Variants in RHEB observed in about 807,000 individuals in gnomAD.
RHEB encodes the protein Ras homolog, mTORC1 binding.
RHEB carries 2 observed loss-of-function variants against 28.8 expected under a neutral mutation model. The ratio of observed to expected loss-of-function variants is 0.07; its 90% CI spans 0.03 to 0.22. The LOEUF (loss-of-function observed/expected upper bound fraction) is 0.22, where lower values mean the gene tolerates loss of function less well. Ranked by LOEUF, RHEB falls within the 10% of genes least tolerant of loss-of-function variation. The probability of loss-of-function intolerance (pLI) is 1.00; values close to 1 mark genes in which losing one functional copy is unlikely to be tolerated. For synonymous variants in RHEB, 69 were observed against 77.3 expected, an observed-to-expected ratio of 0.89 and a Z score of 0.56; for missense variants, 76 against 219.9, an observed-to-expected ratio of 0.35 and a Z score of 4.14.
intron 1 of RHEB, among the ~76,000 whole-genome samples, chr7:151,496,677 C>T (rs1196622678): frequency 6.6e-6 from 1 of 152,176 alleles, no homozygotes; most frequent in Non-Finnish European, 1.5e-5. Context: ...CTTCCCTATA[C>T]AGTATAAGCC....
intron 3 of RHEB, among the ~76,000 whole-genome samples, chr7:151,482,359 C>T (rs1802392782): frequency 6.6e-6 from 1 of 152,172 alleles, no homozygotes; most frequent in Admixed American, 6.5e-5. Flanking sequence ...ATCCTTCCAC[C>T]TCCCACAGTG....
Position 151,479,682 on chromosome 7 carries a change from CAAAAAAAA to C in RHEB, c.193-2275_193-2268del, listed in dbSNP as rs10690355. ...TGGGCGATAGAGCGAGACTCCGTCT[CAAAAAAAA>C]AAAAAAAAAGATTAATAAATAAATT... is the stretch of plus-strand genomic sequence containing the variant. On this transcript the variant is annotated intron_variant, in intron 3 of 7. Coordinates refer to ENST00000262187, the MANE Select transcript of RHEB (RefSeq NM_005614.4). Among the ~76,000 whole-genome samples the C allele has an allele frequency of 7.1e-3, 809 of 113,264 alleles. 11 individuals carry two copies. The highest frequency in any genetic ancestry group is 0.026 in the African/African-American group (762 of 29,676). 74.3% of individuals were successfully genotyped at this position (113,264 alleles called of 152,430 possible).
At chr7:151,467,265 A>G in intron 7 of RHEB, 54 bp from the exon 8 acceptor site, 1 of 1,321,162 alleles carries the variant, frequency 7.6e-7, no homozygotes, top group Non-Finnish European at 1.1e-6. Context: ...GAACTCCGAG[A>G]GTATTTTACG....
chr7:151,500,355 G>A (rs1802752285), intron 1 of RHEB, among the ~76,000 whole-genome samples: 1 of 152,162 alleles, frequency 6.6e-6, no homozygotes. Context: ...AACAAAGTAT[G>A]TACCTGGTTT....
chr7:151,500,383 CTAAAG>C (rs1311296991), intron 1 of RHEB, among the ~76,000 whole-genome samples: 1 of 152,016 alleles, frequency 6.6e-6, no homozygotes, highest in Non-Finnish European at 1.5e-5. Flanking sequence ...TACTAGGAGT[CTAAAG>C]TAATTAAGAC....
chr7:151,498,223 G>A lies in RHEB; in HGVS notation c.53-7209C>T, dbSNP rs1357301251. On this transcript the variant is annotated intron_variant, in intron 1 of 7. Coordinates refer to ENST00000262187, the MANE Select transcript of RHEB (RefSeq NM_005614.4). ...GGTAAATAGAGTTTAAAGTACTGGAGGCAATTAAGGAAGAGGAAGAGAAGC... is the reference window on the plus strand; with the variant it reads ...GGTAAATAGAGTTTAAAGTACTGGAAGCAATTAAGGAAGAGGAAGAGAAGC... The A allele has an allele frequency of 3.7e-6, 4 of 1,087,416 alleles. No homozygotes were observed. The African/African-American group carries it at 6.5e-5, about 18-fold the overall frequency. 67.4% of individuals were successfully genotyped at this position (1,087,416 alleles called of 1,614,324 possible).
intron 1 of RHEB, among the ~76,000 whole-genome samples, chr7:151,505,845 T>C (rs1178945659): frequency 6.6e-6 from 1 of 152,212 alleles, no homozygotes; most frequent in Non-Finnish European, 1.5e-5. Context: ...TGCAACACCA[T>C]GGATGAATCT....
At chr7:151,498,426 G>A (rs561800254) in intron 1 of RHEB, among the ~76,000 whole-genome samples, 2 of 151,906 alleles carry the variant, frequency 1.3e-5, no homozygotes, top group Admixed American at 6.6e-5. Context: ...AGACCAGCCC[G>A]GGCAACACAG....
At chr7:151,511,292 T>G (rs1255847366) in intron 1 of RHEB, among the ~76,000 whole-genome samples, 1 of 152,196 alleles carries the variant, frequency 6.6e-6, no homozygotes, top group African/African-American at 2.4e-5. Flanking sequence ...ATGGTGTATC[T>G]TGCTAAAACA....
intron 2 of RHEB, among the ~76,000 whole-genome samples, chr7:151,487,520 T>C (rs1413515917): frequency 7.1e-6 from 1 of 140,830 alleles, no homozygotes; most frequent in African/African-American, 2.8e-5. Flanking sequence ...ACATAGTGTA[T>C]AAAAGAAAAA....
At position 151,501,742 on chromosome 7, in the gene RHEB, C is replaced by T. The variant is rs560693904; in HGVS notation, c.53-10728G>A. ...CCCATCCCGCAGCCTTGTGCTCCGC[C>T]CCTGGCGGAGGAAGTGACATCACGG... On this transcript the variant is annotated intron_variant, in intron 1 of 7. Coordinates refer to ENST00000262187, the MANE Select transcript of RHEB (RefSeq NM_005614.4). 8 of 232,086 alleles carry T rather than the reference C, an allele frequency of 3.4e-5. No homozygotes were observed. The South Asian group carries it at 4.6e-4, about 13-fold the overall frequency. The allele number at this position is 232,086 out of a possible 1,614,324, so 14.4% of individuals were successfully genotyped here. A position where few individuals can be genotyped will look rare whatever the true frequency, so the allele number is the denominator to read the frequency against.
chr7:151,519,252 G>A (rs1159118121), intron 1 of RHEB: 1 of 233,350 alleles, frequency 4.3e-6, no homozygotes, highest in Non-Finnish European at 7.9e-6. Context: ...CCCGCGGAGG[G>A]CGCCCAGCTA....
At chr7:151,479,287 T>C (rs1397140125) in intron 3 of RHEB, among the ~76,000 whole-genome samples, 1 of 151,840 alleles carries the variant, frequency 6.6e-6, no homozygotes, top group Non-Finnish European at 1.5e-5. Context: ...GGAACTCCAA[T>C]TCACACTTTG....
intron 3 of RHEB, among the ~76,000 whole-genome samples, chr7:151,481,130 CTT>C (rs11296574): frequency 1.7e-4 from 24 of 143,962 alleles, no homozygotes; most frequent in African/African-American, 3.5e-4. Flanking sequence ...GAAGAGGCTA[CTT>C]TTTTTTTTTT....
chr7:151,498,041 C>T, intron 1 of RHEB: 1 of 1,070,156 alleles, frequency 9.3e-7, no homozygotes, highest in Non-Finnish European at 1.3e-6. Flanking sequence ...AAGATGAATG[C>T]ACCTTACAGA....
At chr7:151,471,297 T>C in intron 6 of RHEB, 97 bp downstream of exon 6, 1 of 866,934 alleles carries the variant, frequency 1.2e-6, no homozygotes, top group Non-Finnish European at 1.9e-6. Context: ...CGGATAAAAA[T>C]GCTACAGCTA....
At position 151,466,335 on chromosome 7, in the gene RHEB, A is replaced by G. The variant is rs961675672; in HGVS notation, c.*784T>C. On this transcript the variant is annotated 3_prime_UTR_variant, in exon 8 of 8. Transcript: ENST00000262187. ...CAATCATCTCCTGTCTGACACGGAC[A>G]TCGAGCTAAGCTATGAGCAAGGGCG... The G allele has an allele frequency of 6.6e-6, 1 of 152,336 alleles. No homozygotes were observed. The highest frequency in any genetic ancestry group is 1.5e-5 in the Non-Finnish European group (1 of 68,096). 9.4% of individuals were successfully genotyped at this position (152,336 alleles called of 1,614,324 possible).
At chr7:151,515,068 CA>C (rs10711342) in intron 1 of RHEB, among the ~76,000 whole-genome samples, 11,220 of 140,328 alleles carry the variant, frequency 0.08, 600 homozygotes, top group East Asian at 0.21. Context: ...AAATAATAGC[CA>C]AAAAAAAAAA....
chr7:151,509,346 G>A (rs895060965), intron 1 of RHEB, among the ~76,000 whole-genome samples: 2 of 152,210 alleles, frequency 1.3e-5, no homozygotes, highest in African/African-American at 2.4e-5. Flanking sequence ...TAGGGCCTCT[G>A]TGGCCAGAAA....
Sources: gnomAD v4.1 joint callset for allele counts (sites outside exome capture counted in the v4.1 genomes callset) on GRCh38, gnomAD v4.1.1 for gene constraint, MANE v1.5 for transcripts, NCBI Gene and HGNC (gene_info 2026-07-23, HGNC 2026-07-21) for gene names.